Variants in CBLB observed in about 807,000 individuals in gnomAD.
CBLB encodes Cbl proto-oncogene B, also known as E3 ubiquitin-protein ligase CBL-B.
CBLB carries 31 observed loss-of-function variants against 104.9 expected under a neutral mutation model. That is an observed-to-expected ratio of 0.30 (90% confidence interval 0.22 to 0.40). The LOEUF (loss-of-function observed/expected upper bound fraction) is 0.40, where lower values mean the gene tolerates loss of function less well. Ranked by LOEUF, CBLB falls within the 10% of genes least tolerant of loss-of-function variation. CBLB has a pLI of 1.00. For synonymous variants in CBLB, 440 were observed against 422.6 expected (o/e 1.04, Z -0.51); for missense variants, 1,062 against 1,214.6 (o/e 0.87, Z 1.87).
At chr3:105,819,445 C>T (rs1444236220) in intron 3 of CBLB, among the ~76,000 whole-genome samples, 2 of 151,542 alleles carry the variant, frequency 1.3e-5, no homozygotes, top group Non-Finnish European at 2.9e-5. Context: ...TGAGATTGTG[C>T]CACTGAACTC....
At chr3:105,699,080 T>C (rs1302736981) in intron 12 of CBLB, among the ~76,000 whole-genome samples, 1 of 152,118 alleles carries the variant, frequency 6.6e-6, no homozygotes, top group African/African-American at 2.4e-5. Flanking sequence ...AGTGTTAGAT[T>C]ACTAGCACCA....
chr3:105,810,904 T>C (rs995094389), intron 3 of CBLB, among the ~76,000 whole-genome samples: 2 of 152,142 alleles, frequency 1.3e-5, no homozygotes, highest in African/African-American at 2.4e-5. Context: ...AAGTTTAAGA[T>C]ACTACTTAAT....
chr3:105,785,251 C>A (rs1413441414), intron 3 of CBLB, among the ~76,000 whole-genome samples: 1 of 152,048 alleles, frequency 6.6e-6, no homozygotes. Flanking sequence ...TTTGCTGACC[C>A]CAAAACTGTG....
intron 3 of CBLB, among the ~76,000 whole-genome samples, chr3:105,803,752 T>TA (rs1354245160): frequency 1.3e-5 from 2 of 152,218 alleles, no homozygotes; most frequent in African/African-American, 4.8e-5. Flanking sequence ...TACACATTCT[T>TA]AAAGATAATA....
intron 18 of CBLB, among the ~76,000 whole-genome samples, chr3:105,663,180 A>T (rs1045757048): frequency 1.0e-4 from 16 of 152,408 alleles, no homozygotes; most frequent in Admixed American, 1.0e-3. Flanking sequence ...TACTGCTGTT[A>T]CTATTTGAGA....
intron 10 of CBLB, among the ~76,000 whole-genome samples, chr3:105,707,596 A>G (rs2070363273): frequency 6.6e-6 from 1 of 152,148 alleles, no homozygotes; most frequent in Non-Finnish European, 1.5e-5. Flanking sequence ...ATTGCTGGTA[A>G]AATTCAAACA....
intron 4 of CBLB, 86 bp downstream of exon 4, chr3:105,776,306 CAAGT>C (rs1268313590): frequency 1.7e-6 from 2 of 1,168,012 alleles, no homozygotes; most frequent in African/African-American, 3.1e-5. Flanking sequence ...ACAAAACACT[CAAGT>C]AAAATATATA....
At chr3:105,867,774 A>C (rs536024704) in intron 1 of CBLB, among the ~76,000 whole-genome samples, 183 bp from the exon 2 acceptor site, 1 of 152,274 alleles carries the variant, frequency 6.6e-6, no homozygotes, top group South Asian at 2.1e-4. Context: ...TACACACAGT[A>C]GTTTTAAGAG....
intron 12 of CBLB, among the ~76,000 whole-genome samples, chr3:105,700,625 A>G (rs910672955): frequency 1.3e-5 from 2 of 152,214 alleles, no homozygotes; most frequent in Admixed American, 1.3e-4. Context: ...TTACATTTAC[A>G]TTATATTTAG....
At chr3:105,868,300 G>T in intron 1 of CBLB, 1 of 1,020,700 alleles carries the variant, frequency 9.8e-7, no homozygotes, top group Non-Finnish European at 1.3e-6. Context: ...TCACTTCTCT[G>T]GCTCCTCGCC....
intron 4 of CBLB, among the ~76,000 whole-genome samples, chr3:105,760,014 C>G (rs1290086923): frequency 6.6e-6 from 1 of 152,202 alleles, no homozygotes; most frequent in African/African-American, 2.4e-5. Flanking sequence ...TATTCATATT[C>G]TGCAGCCTAA....
chr3:105,815,887 C>T (rs533080023), intron 3 of CBLB, among the ~76,000 whole-genome samples: 7 of 152,284 alleles, frequency 4.6e-5, no homozygotes, highest in African/African-American at 1.7e-4. Context: ...GAGTTCATGT[C>T]CTTTGCAGGG....
Position 105,806,479 on chromosome 3 carries a change from C to CA in CBLB, c.420-29938dup, listed in dbSNP as rs367966052. Among the ~76,000 whole-genome samples the CA allele has an allele frequency of 8.3e-3, 1,044 of 125,046 alleles. 29 individuals are homozygous for CA. Among genetic ancestry groups the CA allele is most frequent in the African/African-American group, 0.025 (837 of 33,136 alleles). The allele number at this position is 125,046 out of a possible 152,430, so 82.0% of individuals were successfully genotyped here. ...GGTTTGTGACCTAATACTAAAACCT[C>CA]AAAAAAAAAAAAAAAACAGAAATTG... On this transcript the variant is annotated intron_variant, in intron 3 of 18. Transcript: ENST00000394030.
At chr3:105,853,775 ATCTTAACTTACTATCTC>A in intron 2 of CBLB, 111 bp from the exon 3 acceptor site, 1 of 735,790 alleles carries the variant, frequency 1.4e-6, no homozygotes, top group Non-Finnish European at 2.2e-6. Context: ...ATAAATAATG[ATCTTAACTTACTATCTC>A]CAATTTATTA....
At chr3:105,754,929 T>C (rs1475131364) in intron 4 of CBLB, among the ~76,000 whole-genome samples, 2 of 152,112 alleles carry the variant, frequency 1.3e-5, no homozygotes, top group East Asian at 1.9e-4. Flanking sequence ...GACTATGTTA[T>C]AATCCTGTTA....
At position 105,816,852 on chromosome 3, in the gene CBLB, A is replaced by C. The variant is rs377566382; in HGVS notation, c.419+36562T>G. Among the ~76,000 whole-genome samples, 8 of 152,282 alleles carry C rather than the reference A, an allele frequency of 5.3e-5. No homozygotes were observed. The East Asian group carries it at 1.5e-3, about 29-fold the overall frequency. On this transcript the variant is annotated intron_variant, in intron 3 of 18. Coordinates refer to ENST00000394030, the MANE Select transcript of CBLB (RefSeq NM_170662.5). Reference sequence around the variant, plus strand: ...TCTCTTATTAATGGAACCTACTTTTAATCTTTAGTGACAACTCCACCACAA... The same window carrying C: ...TCTCTTATTAATGGAACCTACTTTTCATCTTTAGTGACAACTCCACCACAA...
At chr3:105,660,477 C>T (rs1015754279) in intron 18 of CBLB, among the ~76,000 whole-genome samples, 1 of 152,060 alleles carries the variant, frequency 6.6e-6, no homozygotes, top group South Asian at 2.1e-4. Flanking sequence ...CAGGAGTGAG[C>T]CACCGCACCT....
In CBLB at chr3:105,853,449, G is replaced by A. The variant is rs2091209613; in HGVS notation, c.384C>T (p.Gly128=). 1.9e-6 allele frequency: 3 copies of A among 1,613,264 alleles called. No homozygotes were observed. The highest frequency in any genetic ancestry group is 2.5e-6 in the Non-Finnish European group (3 of 1,179,488). The part of the protein sequence containing the change: ...SKRAIRLFKE[G]KERMYEEQSQ... ...ACTGTTCTTCATACATTCTCTCCTTGCCTTCTTTAAAGAGTCTTATTGCCC... is the reference window on the plus strand; with the variant it reads ...ACTGTTCTTCATACATTCTCTCCTTACCTTCTTTAAAGAGTCTTATTGCCC... Residue 128 remains glycine, a synonymous_variant, in exon 3 of 19, where the codon GGC becomes GGT. Transcript: ENST00000394030.
intron 18 of CBLB, among the ~76,000 whole-genome samples, chr3:105,667,430 C>A (rs1426600964): frequency 6.6e-6 from 1 of 152,094 alleles, no homozygotes; most frequent in Non-Finnish European, 1.5e-5. Context: ...GTGAATAATA[C>A]ATCCATGTAA....
Sources: gnomAD v4.1 joint callset for allele counts (sites outside exome capture counted in the v4.1 genomes callset) on GRCh38, gnomAD v4.1.1 for gene constraint, MANE v1.5 for transcripts, NCBI Gene and HGNC (gene_info 2026-07-23, HGNC 2026-07-21) for gene names.